The following PRDM2 variants were observed in gnomAD, a reference collection of about 807,000 sequenced individuals.
PRDM2 encodes PR/SET domain 2.
PRDM2 carries 30 observed loss-of-function variants against 130.0 expected under a neutral mutation model. The observed-to-expected ratio is 0.23, with a 90% confidence interval of 0.17 to 0.31. The LOEUF is 0.31. Ranked by LOEUF, PRDM2 falls within the 10% of genes least tolerant of loss-of-function variation. The pLI, the probability that PRDM2 is intolerant of heterozygous loss-of-function variation, is 1.00. For synonymous variants in PRDM2, 871 were observed against 782.4 expected, an observed-to-expected ratio of 1.11 and a Z score of -1.89; for missense variants, 2,011 against 2,108.4, an observed-to-expected ratio of 0.95 and a Z score of 0.90.
chr1:13,722,208 C>T (rs1203520371), intron 2 of PRDM2, among the ~76,000 whole-genome samples: 1 of 152,172 alleles, frequency 6.6e-6, no homozygotes, highest in Non-Finnish European at 1.5e-5. Context: ...CCTTACAGAA[C>T]ATGCAGCTCA....
intron 2 of PRDM2, among the ~76,000 whole-genome samples, chr1:13,728,706 A>G (rs1014921332): frequency 1.3e-5 from 2 of 152,242 alleles, no homozygotes; most frequent in African/African-American, 2.4e-5. Flanking sequence ...GGAGTAATTT[A>G]AAAGAAAAAA....
chr1:13,749,923 G>T (rs2473227), intron 6 of PRDM2, among the ~76,000 whole-genome samples: 3,849 of 152,234 alleles, frequency 0.025, 70 homozygotes, highest in Middle Eastern at 0.041. Flanking sequence ...GCAGACTCGG[G>T]CCCGCCGCGC....
At chr1:13,757,805 T>G (rs1348220444) in intron 6 of PRDM2, among the ~76,000 whole-genome samples, 5 of 150,798 alleles carry the variant, frequency 3.3e-5, no homozygotes, top group African/African-American at 1.2e-4. Context: ...TTTTTTAACT[T>G]TCATTTAAGA....
At chr1:13,724,568 C>T (rs7534267) in intron 2 of PRDM2, among the ~76,000 whole-genome samples, 1 of 149,682 alleles carries the variant, frequency 6.7e-6, no homozygotes, top group Non-Finnish European at 1.5e-5. Flanking sequence ...GATCTCGGCT[C>T]ACTGCAACCT....
In PRDM2 at chr1:13,721,937, G is replaced by A. The variant is rs7515950; in HGVS notation, c.9+6323G>A. On this transcript the variant is annotated intron_variant, in intron 2 of 9. Coordinates refer to ENST00000311066, the MANE Select transcript of PRDM2 (RefSeq NM_001393986.1). Reference sequence around the variant, plus strand: ...TGGGGACAGTAATGGTGCCTACCCCGTGTGGTTGCAGTCAATAGTAAATGA... The same window carrying A: ...TGGGGACAGTAATGGTGCCTACCCCATGTGGTTGCAGTCAATAGTAAATGA... Among the ~76,000 whole-genome samples the A allele has an allele frequency of 7.8e-3, 1,190 of 152,268 alleles. 19 individuals carry two copies. Among genetic ancestry groups the A allele is most frequent in the African/African-American group, 0.027 (1,135 of 41,554 alleles).
intron 2 of PRDM2, among the ~76,000 whole-genome samples, chr1:13,728,823 G>A (rs1216763629): frequency 6.6e-6 from 1 of 151,992 alleles, no homozygotes; most frequent in Non-Finnish European, 1.5e-5. Flanking sequence ...ATGTTCTCGG[G>A]CGCTTCAGAA....
chr1:13,718,205 C>T (rs1031536467), intron 2 of PRDM2, among the ~76,000 whole-genome samples: 6 of 152,004 alleles, frequency 3.9e-5, no homozygotes, highest in African/African-American at 1.2e-4. Flanking sequence ...AATAAAATCC[C>T]GATGGTTATT....
chr1:13,747,798 A>AT (rs1426580715), intron 5 of PRDM2, among the ~76,000 whole-genome samples: 4 of 151,994 alleles, frequency 2.6e-5, no homozygotes, highest in African/African-American at 7.2e-5. Flanking sequence ...AAGAAACAAA[A>AT]AACAAAAAGG....
intron 8 of PRDM2, among the ~76,000 whole-genome samples, chr1:13,809,431 A>G (rs1220875995): frequency 6.6e-6 from 1 of 152,136 alleles, no homozygotes; most frequent in African/African-American, 2.4e-5. Context: ...GGAGAGAGTG[A>G]CGGAGGGACC....
intron 6 of PRDM2, among the ~76,000 whole-genome samples, chr1:13,751,694 G>T (rs1284786006): frequency 6.6e-6 from 1 of 152,116 alleles, no homozygotes; most frequent in Non-Finnish European, 1.5e-5. Flanking sequence ...AATACATAGA[G>T]CCGACAGGTA....
At chr1:13,730,942 A>C in intron 2 of PRDM2, 58 bp from the exon 3 acceptor site, 3 of 1,311,550 alleles carry the variant, frequency 2.3e-6, no homozygotes, top group Non-Finnish European at 3.1e-6. Context: ...AAAAAAAAAA[A>C]ACCCATGATT....
rs774926878 is a variant in PRDM2, at chr1:13,782,358, G to A, written c.4563G>A (p.Glu1521=). ...ACCGCAGACGGACAGCGGATGCGGA[G>A]ATTAAAATGCAAAGCATGCAGACTC... ...SNHRRRTADA[E]IKMQSMQTPL... Residue 1521 remains glutamate, a synonymous_variant, in exon 8 of 10, where the codon GAG becomes GAA. Coordinates refer to ENST00000311066, the MANE Select transcript of PRDM2 (RefSeq NM_001393986.1). The A allele has an allele frequency of 6.2e-7, 1 of 1,614,048 alleles. No homozygotes were observed. Among genetic ancestry groups the A allele is most frequent in the Non-Finnish European group, 8.5e-7 (1 of 1,180,030 alleles).
At chr1:13,801,354 G>C (rs953391593) in intron 8 of PRDM2, among the ~76,000 whole-genome samples, 2 of 152,254 alleles carry the variant, frequency 1.3e-5, no homozygotes, top group Non-Finnish European at 1.5e-5. Context: ...TGAGCGGTCA[G>C]TGGCTATCAG....
intron 2 of PRDM2, among the ~76,000 whole-genome samples, chr1:13,724,849 A>G (rs984444131): frequency 6.6e-6 from 1 of 152,174 alleles, no homozygotes; most frequent in Non-Finnish European, 1.5e-5. Context: ...AAGGAGGAGG[A>G]AGAGGGGAGA....
In PRDM2 at chr1:13,816,476, A is replaced by G. The variant is rs1489976069; in HGVS notation, c.5086A>G (p.Ile1696Val). 2.5e-6 allele frequency: 4 copies of G among 1,614,022 alleles called. No homozygotes were observed. Among genetic ancestry groups the G allele is most frequent in the African/African-American group, 1.3e-5 (1 of 74,906 alleles). Residue 1696 changes from isoleucine to valine, a missense_variant, in exon 9 of 10, where the codon ATC becomes GTC. Ile to Val is a conservative substitution (Grantham distance 29, BLOSUM62 3). Coordinates refer to ENST00000311066, the MANE Select transcript of PRDM2 (RefSeq NM_001393986.1). ...ATGCTCTCCACCAGCGGCCCCGTAC[A>G]TCACCAGGCAGTATAGGAAGGTCAA... ...SRCSPPAAPY[I>V]TRQYRKVKAP...
intron 8 of PRDM2, among the ~76,000 whole-genome samples, chr1:13,804,949 G>T (rs192048510): frequency 1.3e-5 from 2 of 152,300 alleles, no homozygotes; most frequent in East Asian, 3.9e-4. Context: ...CACTACTATG[G>T]GGACTGTGTC....
At chr1:13,767,619 A>C (rs1406067663) in intron 6 of PRDM2, among the ~76,000 whole-genome samples, 1 of 152,044 alleles carries the variant, frequency 6.6e-6, no homozygotes, top group African/African-American at 2.4e-5. Context: ...GCAAGTCTTT[A>C]TGCAACTTTT....
rs762623877 is a variant in PRDM2 at position 13,782,588 on chromosome 1, A to ATCATTC, written c.4795_4800dup (p.His1599_Ser1600dup). 9.9e-6 allele frequency: 16 copies of ATCATTC among 1,614,080 alleles called. No homozygotes were observed. In the South Asian group the frequency reaches 1.6e-4, roughly 17 times the overall value. Reference sequence around the variant, plus strand: ...AAAAAACCTAAAGCTGTGGCCAAGAATCATTCTGCTCAGCTTTCCAGCAAA... The same window carrying ATCATTC: ...AAAAAACCTAAAGCTGTGGCCAAGAATCATTCTCATTCTGCTCAGCTTTCCAGCAAA... On this transcript the variant is annotated inframe_insertion, in exon 8 of 10. Transcript: ENST00000311066.
intron 8 of PRDM2, among the ~76,000 whole-genome samples, chr1:13,793,497 C>A (rs1644874563): frequency 6.6e-6 from 1 of 152,150 alleles, no homozygotes; most frequent in Admixed American, 6.5e-5. Flanking sequence ...GAGGCTGTTG[C>A]AGAAACGACT....
Sources: gnomAD v4.1 joint callset for allele counts (sites outside exome capture counted in the v4.1 genomes callset) on GRCh38, gnomAD v4.1.1 for gene constraint, MANE v1.5 for transcripts, NCBI Gene and HGNC (gene_info 2026-07-23, HGNC 2026-07-21) for gene names.